The following DUSP22 variants were observed in gnomAD, a reference collection of about 807,000 sequenced individuals.
The protein encoded by DUSP22 is dual specificity protein phosphatase 22.
DUSP22 carries 24 observed loss-of-function variants against 24.5 expected under a neutral mutation model. That is an observed-to-expected ratio of 0.98 (90% CI 0.71 to 1.38). The LOEUF (loss-of-function observed/expected upper bound fraction) is 1.38, where lower values mean the gene tolerates loss of function less well. DUSP22 is among the 40% of genes most tolerant of loss of function. The pLI is 0.00. For missense variants in DUSP22, 330 were observed against 269.2 expected, an observed-to-expected ratio of 1.23 and a Z score of -1.58; for synonymous variants, 160 against 106.4, an observed-to-expected ratio of 1.50 and a Z score of -3.10.
chr6:350,864 TG>T lies in DUSP22; in HGVS notation c.*1914del, dbSNP rs761580385. 2 of 1,614,122 alleles carry T rather than the reference TG, an allele frequency of 1.2e-6. No individual in the cohort carries two copies. The highest frequency in any genetic ancestry group is 2.7e-5 in the African/African-American group (2 of 74,966). On this transcript the variant is annotated 3_prime_UTR_variant, in exon 7 of 7. Transcript: ENST00000419235. Reference sequence around the variant, plus strand: ...AAGTTCTGGGCCTTTCTCAGAAGACTGTAATGTACCTGAAGTTTCTGAAATA... The same window carrying T: ...AAGTTCTGGGCCTTTCTCAGAAGACTTAATGTACCTGAAGTTTCTGAAATA...
At chr6:332,354 C>A (rs1387219407) in intron 3 of DUSP22, among the ~76,000 whole-genome samples, 1 of 152,298 alleles carries the variant, frequency 6.6e-6, no homozygotes, top group Admixed American at 6.5e-5. Flanking sequence ...CGACTGTGGG[C>A]AGGGGCCAGC....
intron 5 of DUSP22, among the ~76,000 whole-genome samples, chr6:347,748 C>G (rs370304480): frequency 0.014 from 2,140 of 151,848 alleles, 2 homozygotes; most frequent in African/African-American, 0.05. Context: ...TCGCGTAGGC[C>G]CTGGAAGCCT....
intron 1 of DUSP22, among the ~76,000 whole-genome samples, chr6:294,758 A>G (rs1210861449): frequency 1.3e-5 from 2 of 152,302 alleles, no homozygotes; most frequent in African/African-American, 2.4e-5. Context: ...GCTGTGTTGC[A>G]CAACACAGGG....
intron 1 of DUSP22, among the ~76,000 whole-genome samples, chr6:300,147 C>T (rs113404514): frequency 0.075 from 11,217 of 148,814 alleles, 15 homozygotes; most frequent in African/African-American, 0.13. Flanking sequence ...ATTTAATTGA[C>T]AATATTTGAA....
chr6:318,039 T>C (rs1758414159), intron 3 of DUSP22, among the ~76,000 whole-genome samples: 1 of 152,302 alleles, frequency 6.6e-6, no homozygotes, highest in Non-Finnish European at 1.5e-5. Flanking sequence ...ATGGGCAGTC[T>C]GTGTAGTTCC....
rs900874973 is a variant in DUSP22, at chr6:345,719, A to C, written c.189-135A>C. ...TTGAAGTGTCACACTGTAGCCCATAAATATGTAGAATTATGTGTCAATTAT... is the reference window on the plus strand; with the variant it reads ...TTGAAGTGTCACACTGTAGCCCATACATATGTAGAATTATGTGTCAATTAT... On this transcript the variant is annotated intron_variant, in intron 4 of 6. Transcript: ENST00000419235. 3 of 1,073,060 alleles carry C rather than the reference A, an allele frequency of 2.8e-6. No homozygotes were observed. The African/African-American group carries it at 4.7e-5, about 17-fold the overall frequency. The allele number at this position is 1,073,060 out of a possible 1,614,324, so 66.5% of individuals were successfully genotyped here. A position where few individuals can be genotyped will look rare whatever the true frequency, so the allele number is the denominator to read the frequency against.
intron 3 of DUSP22, among the ~76,000 whole-genome samples, chr6:319,458 A>G (rs907940026): frequency 1.8e-4 from 27 of 152,302 alleles, no homozygotes; most frequent in African/African-American, 6.3e-4. Context: ...TCAAAGGGAG[A>G]AGATGGCCCA....
intron 1 of DUSP22, among the ~76,000 whole-genome samples, chr6:295,936 G>A (rs1484897079): frequency 6.6e-6 from 1 of 152,280 alleles, no homozygotes; most frequent in Non-Finnish European, 1.5e-5. Flanking sequence ...ATGGAGATTT[G>A]GAGAGGTTAG....
At position 345,899 on chromosome 6, in the gene DUSP22, G is replaced by A. The variant is rs756588736; in HGVS notation, c.234G>A (p.Arg78=). 3.1e-6 allele frequency: 5 copies of A among 1,614,280 alleles called. No homozygotes were observed. Among genetic ancestry groups the A allele is most frequent in the Non-Finnish European group, 4.2e-6 (5 of 1,180,034 alleles). ...GTATTAAATTCATTCACGAGTGCCG[G>A]CTCCGCGGTGAGAGCTGCCTTGTAC... ...KESIKFIHEC[R]LRGESCLVHC... The change falls in exon 5 of 7, where the codon CGG becomes CGA. Residue 78 remains arginine, a synonymous_variant. Coordinates refer to ENST00000419235, the MANE Select transcript of DUSP22 (RefSeq NM_001286555.3).
chr6:327,501 C>T (rs902771055), intron 3 of DUSP22, among the ~76,000 whole-genome samples: 24 of 152,420 alleles, frequency 1.6e-4, no homozygotes, highest in African/African-American at 3.8e-4. Context: ...CATTTGGAAC[C>T]GTTTACAGGA....
Position 348,890 on chromosome 6 carries a change from G to T in DUSP22, c.557G>T (p.Arg186Leu). The T allele has an allele frequency of 6.2e-7, 1 of 1,614,050 alleles. No homozygotes were observed. The highest frequency in any genetic ancestry group is 1.1e-5 in the South Asian group (1 of 91,076). The change falls in exon 7 of 7, where the codon CGG (arginine) becomes CTG (leucine). Residue 186 changes from arginine to leucine, a missense_variant. By Grantham distance (102) the Arg-to-Leu change is moderately radical (BLOSUM62 -2). Coordinates refer to ENST00000419235, the MANE Select transcript of DUSP22 (RefSeq NM_001286555.3). ...GRTEPQPGARRWSSFPALAPL... is the reference protein window; with the variant it reads ...GRTEPQPGARLWSSFPALAPL... ...ACAGAGCCCCAGCCCGGCGCCAGGC[G>T]GTGGAGCAGTTTTCCGGCACTGGCT...
At chr6:310,921 T>C (rs905298985) in intron 2 of DUSP22, among the ~76,000 whole-genome samples, 6 of 152,302 alleles carry the variant, frequency 3.9e-5, no homozygotes, top group Non-Finnish European at 1.5e-5. Flanking sequence ...ATTAACACTT[T>C]TGTTGCCTAA....
chr6:309,759 G>C (rs1411936606), intron 2 of DUSP22, among the ~76,000 whole-genome samples: 1 of 152,254 alleles, frequency 6.6e-6, no homozygotes, highest in Non-Finnish European at 1.5e-5. Context: ...TTCCGTCTCT[G>C]AGCTGGGGCT....
chr6:309,345 G>T (rs1161392057), intron 2 of DUSP22, among the ~76,000 whole-genome samples: 1 of 152,284 alleles, frequency 6.6e-6, no homozygotes, highest in Non-Finnish European at 1.5e-5. Flanking sequence ...TCTCACTTTG[G>T]GTCAAAAGAT....
At chr6:345,312 A>G (rs947450525) in intron 4 of DUSP22, among the ~76,000 whole-genome samples, 1 of 152,100 alleles carries the variant, frequency 6.6e-6, no homozygotes, top group African/African-American at 2.4e-5. Flanking sequence ...TGGGTTCAAG[A>G]AATTCTCCTA....
At chr6:309,617 G>A (rs1232183351) in intron 2 of DUSP22, among the ~76,000 whole-genome samples, 9 of 152,244 alleles carry the variant, frequency 5.9e-5, no homozygotes, top group African/African-American at 2.2e-4. Context: ...CCCCAGGGTA[G>A]ATCTTTCTAA....
At chr6:302,856 C>T (rs935280234) in intron 1 of DUSP22, among the ~76,000 whole-genome samples, 2 of 152,294 alleles carry the variant, frequency 1.3e-5, no homozygotes, top group Non-Finnish European at 2.9e-5. Context: ...GGATGGAAAG[C>T]CAAGGGCAGG....
At chr6:328,093 A>G (rs1320284101) in intron 3 of DUSP22, among the ~76,000 whole-genome samples, 1 of 152,308 alleles carries the variant, frequency 6.6e-6, no homozygotes, top group Non-Finnish European at 1.5e-5. Context: ...CTCCTAGAAT[A>G]TCTGCTGCTG....
intron 1 of DUSP22, among the ~76,000 whole-genome samples, chr6:299,856 A>C (rs1172752506): frequency 6.6e-6 from 1 of 152,306 alleles, no homozygotes; most frequent in Non-Finnish European, 1.5e-5. Context: ...AGAAAGGGGC[A>C]GCGTTCCCTC....
Sources: allele counts gnomAD v4.1 joint callset (sites outside exome capture counted in the v4.1 genomes callset), GRCh38; gene constraint gnomAD v4.1.1; transcripts MANE v1.5; gene names NCBI Gene and HGNC (gene_info 2026-07-23, HGNC 2026-07-21).